Variants in SNX16 observed in about 807,000 individuals in gnomAD.
SNX16 encodes sorting nexin-16.
In SNX16, 35 loss-of-function variants were observed where a neutral mutation model predicts 36.7. That is an observed-to-expected ratio of 0.95 (90% CI 0.73 to 1.27). The LOEUF is 1.27. Ranked by LOEUF, SNX16 falls within the 50% of genes most tolerant of loss-of-function variation. SNX16 has a pLI of 0.00. For synonymous variants in SNX16, 134 were observed against 132.0 expected (o/e 1.02, Z -0.10); for missense variants, 367 against 393.6 (o/e 0.93, Z 0.57).
Position 81,800,393 on chromosome 8 carries a change from C to T in SNX16, c.*1104G>A, listed in dbSNP as rs552413277. ...AATAAACAAACATTTTTTCATAAAG[C>T]TGACTCAAAGACCCTAGGAGACTTT... is the stretch of plus-strand genomic sequence containing the variant. On this transcript the variant is annotated 3_prime_UTR_variant, in exon 8 of 8. Coordinates refer to ENST00000345957, the MANE Select transcript of SNX16 (RefSeq NM_152836.3). 1 of 152,204 alleles carries T rather than the reference C, an allele frequency of 6.6e-6. No individual in the cohort carries two copies. The highest frequency in any genetic ancestry group is 6.6e-5 in the Admixed American group (1 of 15,266). 9.4% of individuals were successfully genotyped at this position (152,204 alleles called of 1,614,324 possible). A position where few individuals can be genotyped will look rare whatever the true frequency, so the allele number is the denominator to read the frequency against.
chr8:81,825,494 T>A (rs1399561631), intron 3 of SNX16, among the ~76,000 whole-genome samples: 1 of 152,150 alleles, frequency 6.6e-6, no homozygotes, highest in East Asian at 1.9e-4. Context: ...CATTGTAATT[T>A]TAAAAAGCTT....
At position 81,801,240 on chromosome 8, in the gene SNX16, T is replaced by A. The variant is rs1029032692; in HGVS notation, c.*257A>T. The A allele has an allele frequency of 1.3e-5, 4 of 307,630 alleles. No individual in the cohort carries two copies. Among genetic ancestry groups the A allele is most frequent in the Non-Finnish European group, 2.4e-5 (4 of 168,400 alleles). 19.1% of individuals were successfully genotyped at this position (307,630 alleles called of 1,614,324 possible). On this transcript the variant is annotated 3_prime_UTR_variant, in exon 8 of 8. Coordinates refer to ENST00000345957, the MANE Select transcript of SNX16 (RefSeq NM_152836.3). Reference sequence around the variant, plus strand: ...ATAATTTATGCACAGTATTTAAGAATGTGGGCCTTGATAACAGAATTCCAA... The same window carrying A: ...ATAATTTATGCACAGTATTTAAGAAAGTGGGCCTTGATAACAGAATTCCAA...
intron 2 of SNX16, among the ~76,000 whole-genome samples, chr8:81,836,663 C>T (rs1811508709): frequency 6.6e-6 from 1 of 152,148 alleles, no homozygotes; most frequent in African/African-American, 2.4e-5. Context: ...CTCAGGACTT[C>T]CTCCACCACC....
chr8:81,822,565 G>A (rs1016067509), intron 4 of SNX16, among the ~76,000 whole-genome samples: 6 of 151,960 alleles, frequency 3.9e-5, no homozygotes, highest in South Asian at 2.1e-4. Flanking sequence ...TGAGAGATAC[G>A]TGCTTGGACT....
chr8:81,829,407 T>G, intron 3 of SNX16, 23 bp downstream of exon 3: 1 of 1,097,950 alleles, frequency 9.1e-7, no homozygotes, highest in Non-Finnish European at 1.2e-6. Flanking sequence ...GAAATGTTAG[T>G]TTGGATTTAT....
At chr8:81,811,314 T>C (rs1473468434) in intron 5 of SNX16, among the ~76,000 whole-genome samples, 3 of 152,154 alleles carry the variant, frequency 2.0e-5, no homozygotes, top group Non-Finnish European at 4.4e-5. Flanking sequence ...CCACATATCC[T>C]GGGACCCAAG....
rs201585684 is a variant in SNX16 at position 81,803,239 on chromosome 8, A to C, written c.682-11T>G. On this transcript the variant is annotated splice_polypyrimidine_tract_variant and intron_variant, in intron 5 of 7. Transcript: ENST00000345957. ...AGTTTCACAGAATGCCTTAAAAAAA[A>C]CAACAAACAAAACTAAACACATGCA... 6.3e-7 allele frequency: 1 copy of C among 1,591,146 alleles called. No homozygotes were observed. The highest frequency in any genetic ancestry group is 8.5e-7 in the Non-Finnish European group (1 of 1,173,166).
chr8:81,803,309 G>A, intron 5 of SNX16, 81 bp from the exon 6 acceptor site: 1 of 1,367,868 alleles, frequency 7.3e-7, no homozygotes, highest in South Asian at 1.5e-5. Context: ...TTTCTCAAGA[G>A]CATTATTGAA....
chr8:81,805,901 A>G (rs1809915703), intron 5 of SNX16, among the ~76,000 whole-genome samples: 1 of 152,150 alleles, frequency 6.6e-6, no homozygotes, highest in Non-Finnish European at 1.5e-5. Flanking sequence ...AGCCTGGGCC[A>G]CAGAGCAAGA....
At position 81,812,909 on chromosome 8, in the gene SNX16, G is replaced by C. The variant is rs534301458; in HGVS notation, c.681+2416C>G. Among the ~76,000 whole-genome samples, 38 of 152,086 alleles carry C rather than the reference G, an allele frequency of 2.5e-4. 1 individual carries two copies. The South Asian group carries it at 7.9e-3, about 32-fold the overall frequency. ...GGAAACGGAGAGATATTGGAGCCAAGTTTATATTTCACTGAAATATAATAC... is the reference window on the plus strand; with the variant it reads ...GGAAACGGAGAGATATTGGAGCCAACTTTATATTTCACTGAAATATAATAC... On this transcript the variant is annotated intron_variant, in intron 5 of 7. Transcript: ENST00000345957.
At chr8:81,822,365 A>T (rs2130699715) in intron 4 of SNX16, among the ~76,000 whole-genome samples, 1 of 152,214 alleles carries the variant, frequency 6.6e-6, no homozygotes. Context: ...AAAGAAGACC[A>T]ATATGGCAAA....
chr8:81,803,127 C>T lies in SNX16; in HGVS notation c.783G>A (p.Lys261=). ...MESLKKLLSE[K]QLHIDTLENR... Reference sequence around the variant, plus strand: ...TCTCTAAAGTGTCTATATGAAGTTGCTTCTCACTGAGCAGTTTCTTTAGTG... The same window carrying T: ...TCTCTAAAGTGTCTATATGAAGTTGTTTCTCACTGAGCAGTTTCTTTAGTG... The change falls in exon 6 of 8, where the codon AAG becomes AAA. Residue 261 remains lysine (K), a synonymous_variant. Coordinates refer to ENST00000345957, the MANE Select transcript of SNX16 (RefSeq NM_152836.3). 1.2e-6 allele frequency: 2 copies of T among 1,611,100 alleles called. No homozygotes were observed. Among genetic ancestry groups the T allele is most frequent in the African/African-American group, 1.3e-5 (1 of 74,844 alleles).
intron 1 of SNX16, among the ~76,000 whole-genome samples, chr8:81,841,537 C>T (rs1811774551): frequency 1.3e-5 from 2 of 151,758 alleles, no homozygotes; most frequent in South Asian, 2.1e-4. Flanking sequence ...CACTCTACTA[C>T]CTGAGGCCGC....
chr8:81,810,166 T>C (rs1810170604), intron 5 of SNX16, among the ~76,000 whole-genome samples: 1 of 152,146 alleles, frequency 6.6e-6, no homozygotes, highest in African/African-American at 2.4e-5. Context: ...TTAATGTTAA[T>C]ACAGTAAGAC....
In SNX16 at chr8:81,799,603, A is replaced by G. The variant is rs1295898016; in HGVS notation, c.*1894T>C. 1.3e-5 allele frequency: 2 copies of G among 152,058 alleles called. No homozygotes were observed. The highest frequency in any genetic ancestry group is 2.9e-5 in the Non-Finnish European group (2 of 67,896). The allele number at this position is 152,058 out of a possible 1,614,324, so 9.4% of individuals were successfully genotyped here. Reference sequence around the variant, plus strand: ...TACTGTTGTAGTGAAAAAATAATTTATTAAATGAACATAATACTGGGAGTA... The same window carrying G: ...TACTGTTGTAGTGAAAAAATAATTTGTTAAATGAACATAATACTGGGAGTA... On this transcript the variant is annotated 3_prime_UTR_variant, in exon 8 of 8. Coordinates refer to ENST00000345957, the MANE Select transcript of SNX16 (RefSeq NM_152836.3).
chr8:81,815,572 T>C, intron 4 of SNX16, 178 bp from the exon 5 acceptor site: 1 of 473,050 alleles, frequency 2.1e-6, no homozygotes, highest in Non-Finnish European at 3.8e-6. Flanking sequence ...AGGTGTTTTC[T>C]AAGATCTTAG....
intron 4 of SNX16, among the ~76,000 whole-genome samples, chr8:81,823,153 C>G (rs1810852870): frequency 6.6e-6 from 1 of 151,472 alleles, no homozygotes; most frequent in Non-Finnish European, 1.5e-5. Flanking sequence ...CCCAAGTTAT[C>G]TATAAGCTAT....
intron 5 of SNX16, among the ~76,000 whole-genome samples, chr8:81,813,905 C>T (rs774474): frequency 0.16 from 23,863 of 151,734 alleles, 2,432 homozygotes; most frequent in South Asian, 0.25. Context: ...GGCTATAATC[C>T]AAAAGAGAGA....
intron 4 of SNX16, among the ~76,000 whole-genome samples, chr8:81,818,054 T>C (rs557500774): frequency 6.6e-6 from 1 of 151,222 alleles, no homozygotes; most frequent in Non-Finnish European, 1.5e-5. Context: ...AATTCACCTG[T>C]TTCTTTGATT....
Sources: gnomAD v4.1 joint callset for allele counts (sites outside exome capture counted in the v4.1 genomes callset) on GRCh38, gnomAD v4.1.1 for gene constraint, MANE v1.5 for transcripts, NCBI Gene and HGNC (gene_info 2026-07-23, HGNC 2026-07-21) for gene names.